The following PHACTR2 variants were observed in gnomAD, a reference collection of about 807,000 sequenced individuals.
PHACTR2 encodes phosphatase and actin regulator 2.
PHACTR2 carries 30 observed loss-of-function variants against 76.0 expected under a neutral mutation model. That is an observed-to-expected ratio of 0.39 (90% CI 0.30 to 0.54). The LOEUF is 0.54. Among genes scored for constraint, PHACTR2 ranks in the 20% least tolerant of loss-of-function variants. The pLI is 0.61. For synonymous variants in PHACTR2, 292 were observed against 292.5 expected, an observed-to-expected ratio of 1.00 and a Z score of 0.02; for missense variants, 696 against 781.1, an observed-to-expected ratio of 0.89 and a Z score of 1.30.
chr6:143,587,012 C>T lies in PHACTR2; in HGVS notation c.217+49805C>T, dbSNP rs140213989. 4.4e-3 allele frequency among the ~76,000 whole-genome samples: 666 copies of T among 152,212 alleles called. 2 individuals are homozygous for T. In the Middle Eastern group the frequency reaches 0.048, roughly 11 times the overall value. ...GTGAACTATAATGGATTAATTGTGT[C>T]GAAAGCCTGTTAGCTCCTCATATAA... is the stretch of plus-strand genomic sequence containing the variant. On this transcript the variant is annotated intron_variant, in intron 1 of 11. Transcript: ENST00000367584.
chr6:143,790,251 T>C lies in PHACTR2; in HGVS notation c.1845+1341T>C, dbSNP rs1775650836. 5.3e-5 allele frequency among the ~76,000 whole-genome samples: 8 copies of C among 152,110 alleles called. No individual in the cohort carries two copies. The South Asian group carries it at 1.7e-3, about 32-fold the overall frequency. ...TAAATTTGGAAAATGAGATACAGTA[T>C]CAAGGGAGTGATTTTTTTTTAATTT... is the stretch of plus-strand genomic sequence containing the variant. On this transcript the variant is annotated intron_variant, in intron 11 of 12. Transcript: ENST00000440869.
Position 143,602,911 on chromosome 6 carries a change from G to T in PHACTR2, c.217+65704G>T, listed in dbSNP as rs12213949. On this transcript the variant is annotated intron_variant, in intron 1 of 11. Transcript: ENST00000367584. The surrounding 1 kb of genome is among the most constrained non-coding windows in gnomAD (Gnocchi z 6.1). ...TGTAACCCCAGCACTTTGGGAGGCC[G>T]AGGTGGGCAGATCACCCGTGGTCAG... Among the ~76,000 whole-genome samples, 4 of 152,034 alleles carry T rather than the reference G, an allele frequency of 2.6e-5. No homozygotes were observed. The highest frequency in any genetic ancestry group is 5.9e-5 in the Non-Finnish European group (4 of 68,010).
chr6:143,685,908 G>T (rs2128454577), intron 1 of PHACTR2, among the ~76,000 whole-genome samples: 1 of 152,244 alleles, frequency 6.6e-6, no homozygotes, highest in East Asian at 1.9e-4. Flanking sequence ...AAGGCAGGTG[G>T]ATCACCTGGG....
At chr6:143,813,913 T>G (rs1001203312) in intron 12 of PHACTR2, among the ~76,000 whole-genome samples, 1 of 152,152 alleles carries the variant, frequency 6.6e-6, no homozygotes, top group Non-Finnish European at 1.5e-5. Flanking sequence ...TAACTTTTGA[T>G]TCTCCCAAAA....
At chr6:143,703,156 TAAAAAAAAAAAA>T (rs57738495) in intron 1 of PHACTR2, among the ~76,000 whole-genome samples, 1 of 91,152 alleles carries the variant, frequency 1.1e-5, no homozygotes, top group Admixed American at 1.3e-4. Context: ...AAAAAATTAC[TAAAAAAAAAAAA>T]AAAAAAAAAG....
chr6:143,601,781 C>G (rs6909701), intron 1 of PHACTR2, among the ~76,000 whole-genome samples: 112,204 of 152,114 alleles, frequency 0.74, 41,684 homozygotes, highest in Middle Eastern at 0.81. Context: ...TACATTCCCA[C>G]GCTTTTTATG....
intron 1 of PHACTR2, among the ~76,000 whole-genome samples, chr6:143,559,680 T>TTTTTC (rs1470603634): frequency 1.1e-4 from 14 of 128,508 alleles, no homozygotes; most frequent in African/African-American, 4.1e-4. Flanking sequence ...ATACCAGTGA[T>TTTTTC]TTTTCTTTTC....
chr6:143,774,246 CTAA>C lies in PHACTR2; in HGVS notation c.1589+33_1589+35del. 6.3e-7 allele frequency: 1 copy of C among 1,586,064 alleles called. No homozygotes were observed. Among genetic ancestry groups the C allele is most frequent in the Non-Finnish European group, 8.6e-7 (1 of 1,158,312 alleles). The stretch of plus-strand genomic sequence containing the variant: ...TGCTAACATTTTAGGACAGTACTGA[CTAA>C]TTTGTATTTTTCTCCCTCCCAAAGC... On this transcript the variant is annotated intron_variant, in intron 8 of 12. Coordinates refer to ENST00000440869, the MANE Select transcript of PHACTR2 (RefSeq NM_001100164.2). This position sits in a 1 kb window ranked among gnomAD's most constrained non-coding sequence, Gnocchi z 5.4.
chr6:143,687,023 G>A (rs987611052), intron 1 of PHACTR2, among the ~76,000 whole-genome samples: 13 of 151,990 alleles, frequency 8.6e-5, no homozygotes, highest in Non-Finnish European at 1.8e-4. Flanking sequence ...GAAAACATTG[G>A]TCCCAATATA....
In PHACTR2 at chr6:143,788,906, A is replaced by T; in HGVS notation, c.1841A>T (p.Asp614Val). Residue 614 changes from aspartate (D) to valine (V), a missense_variant, in exon 11 of 13, where the codon GAC becomes GTC. Asp to Val is a radical substitution (Grantham distance 152). This residue lies in a region of PHACTR2 where 236 missense variants were observed against 330.2 expected (regional missense o/e 0.71). Coordinates refer to ENST00000440869, the MANE Select transcript of PHACTR2 (RefSeq NM_001100164.2). ...DKPWARLTPADKAAIRKELNE... is the reference protein window; with the variant it reads ...DKPWARLTPAVKAAIRKELNE... Reference sequence around the variant, plus strand: ...CCCTGGGCCAGGTTAACACCTGCAGACAAGGCAAGAATCCCAGTGGATTTT... The same window carrying T: ...CCCTGGGCCAGGTTAACACCTGCAGTCAAGGCAAGAATCCCAGTGGATTTT... 1 of 1,609,020 alleles carries T rather than the reference A, an allele frequency of 6.2e-7. No individual in the cohort carries two copies. The highest frequency in any genetic ancestry group is 8.5e-7 in the Non-Finnish European group (1 of 1,175,816).
chr6:143,563,549 C>T (rs1775311401), intron 1 of PHACTR2, among the ~76,000 whole-genome samples: 2 of 24,200 alleles, frequency 8.3e-5, no homozygotes, highest in Non-Finnish European at 2.2e-4. Flanking sequence ...CAAACTCCGT[C>T]TCAAAAAAAA....
Position 143,658,840 on chromosome 6 carries a change from C to T in PHACTR2, c.13+50518C>T, listed in dbSNP as rs1234081228. ...AAGAGTTCGAGACCAGCCTAACCAA[C>T]ATGGTGAAACCTCATCTCTACTAAA... On this transcript the variant is annotated intron_variant, in intron 1 of 11. Transcript: ENST00000305766. The surrounding 1 kb of genome is among the most constrained non-coding windows in gnomAD (Gnocchi z 4.1). 6.6e-6 allele frequency among the ~76,000 whole-genome samples: 1 copy of T among 152,088 alleles called. No homozygotes were observed. The highest frequency in any genetic ancestry group is 1.9e-4 in the East Asian group (1 of 5,194).
intron 1 of PHACTR2, among the ~76,000 whole-genome samples, chr6:143,588,170 A>G (rs1208888027): frequency 1.3e-5 from 2 of 152,152 alleles, no homozygotes; most frequent in African/African-American, 4.8e-5. Context: ...CAGGATCCCA[A>G]TTTAAAAGGG....
chr6:143,668,995 C>T (rs1777097303), intron 1 of PHACTR2, among the ~76,000 whole-genome samples: 1 of 152,128 alleles, frequency 6.6e-6, no homozygotes, highest in Non-Finnish European at 1.5e-5. Flanking sequence ...CCTGCTTTCT[C>T]CTGTAGGCAT....
intron 1 of PHACTR2, among the ~76,000 whole-genome samples, chr6:143,635,257 T>C (rs1017488936): frequency 6.6e-6 from 1 of 152,138 alleles, no homozygotes; most frequent in Non-Finnish European, 1.5e-5. Flanking sequence ...TAAATACTAT[T>C]CCATTATTTG....
chr6:143,807,004 G>T lies in PHACTR2; in HGVS notation c.1846-53G>T, dbSNP rs1011385156. On this transcript the variant is annotated intron_variant, in intron 11 of 12. Coordinates refer to ENST00000440869, the MANE Select transcript of PHACTR2 (RefSeq NM_001100164.2). This position sits in a 1 kb window ranked among gnomAD's most constrained non-coding sequence, Gnocchi z 5.5. ...CTTCATTGATGCTGTATATACTGGG[G>T]CAATATATGACCTAAATAACAGTTC... is the stretch of plus-strand genomic sequence containing the variant. 8.4e-6 allele frequency: 8 copies of T among 949,868 alleles called. No individual in the cohort carries two copies. The highest frequency in any genetic ancestry group is 2.1e-5 in the Admixed American group (1 of 48,242). 58.8% of individuals were successfully genotyped at this position (949,868 alleles called of 1,614,324 possible).
intron 1 of PHACTR2, among the ~76,000 whole-genome samples, chr6:143,644,164 A>T (rs1776614643): frequency 2.6e-5 from 4 of 152,210 alleles, no homozygotes; most frequent in African/African-American, 9.6e-5. Context: ...CATTGTATTG[A>T]AAGTTAAATT....
chr6:143,812,191 T>G (rs1307821478), intron 12 of PHACTR2, among the ~76,000 whole-genome samples: 1 of 152,140 alleles, frequency 6.6e-6, no homozygotes, highest in Non-Finnish European at 1.5e-5. Flanking sequence ...TATAGCTTCC[T>G]TTGCTTCTCT....
At position 143,776,097 on chromosome 6, in the gene PHACTR2, G is replaced by A. The variant is rs1271110263; in HGVS notation, c.1590-1231G>A. ...ATTGTACCACTGCACACCAGCCTGGGCAACAGAGTGAGACTCCATCTCAAA... is the reference window on the plus strand; with the variant it reads ...ATTGTACCACTGCACACCAGCCTGGACAACAGAGTGAGACTCCATCTCAAA... On this transcript the variant is annotated intron_variant, in intron 8 of 12. Transcript: ENST00000440869. The surrounding 1 kb of genome is among the most constrained non-coding windows in gnomAD (Gnocchi z 5.3). 2.0e-5 allele frequency among the ~76,000 whole-genome samples: 3 copies of A among 152,100 alleles called. No homozygotes were observed. The highest frequency in any genetic ancestry group is 4.4e-5 in the Non-Finnish European group (3 of 68,024).
Sources: allele counts gnomAD v4.1 joint callset (sites outside exome capture counted in the v4.1 genomes callset), GRCh38; gene constraint gnomAD v4.1.1; regional missense constraint gnomAD v4.1.1; non-coding constraint Gnocchi (gnomAD v3.1); transcripts MANE v1.5; gene names NCBI Gene and HGNC (gene_info 2026-07-23, HGNC 2026-07-21).